The following GRIK4 variants were observed in gnomAD, a reference collection of about 807,000 sequenced individuals.
GRIK4 encodes the protein glutamate ionotropic receptor kainate type subunit 4, also known as glutamate receptor ionotropic, kainate 4.
A neutral mutation model predicts 104.9 loss-of-function variants in GRIK4; 40 were observed. The ratio of observed to expected loss-of-function variants is 0.38; its 90% confidence interval spans 0.30 to 0.50. The LOEUF (loss-of-function observed/expected upper bound fraction) is 0.50, where lower values mean the gene tolerates loss of function less well. Ranked by LOEUF, GRIK4 falls within the 20% of genes least tolerant of loss-of-function variation. The pLI is 0.93. For synonymous variants in GRIK4, 485 were observed against 524.9 expected (o/e 0.92, Z 1.04); for missense variants, 1,047 against 1,308.1 (o/e 0.80, Z 3.08).
At chr11:120,603,583 C>T (rs17124050) in intron 1 of GRIK4, among the ~76,000 whole-genome samples, 4,063 of 152,284 alleles carry the variant, frequency 0.027, 348 homozygotes, top group East Asian at 0.17. Flanking sequence ...GTCTCATTTA[C>T]GCCTCACGAC....
chr11:120,629,846 C>T (rs77630680), intron 1 of GRIK4, among the ~76,000 whole-genome samples: 10,351 of 152,254 alleles, frequency 0.068, 415 homozygotes, highest in South Asian at 0.14. Flanking sequence ...CCCACCCCCT[C>T]GGGAATCTGA....
rs532033967 is a variant in GRIK4 at position 120,967,122 on chromosome 11, G to A, written c.2267-73G>A. ...AGGCAGGGTGGCCAGGAGGTGTGCC[G>A]GGAAGGGGAGCAGAGTGACACCTAA... On this transcript the variant is annotated intron_variant, in intron 18 of 20. Coordinates refer to ENST00000527524, the MANE Select transcript of GRIK4 (RefSeq NM_014619.5). This position sits in a 1 kb window ranked among gnomAD's most constrained non-coding sequence, Gnocchi z 4.2. 2.0e-5 allele frequency: 31 copies of A among 1,513,376 alleles called. No individual in the cohort carries two copies. Among genetic ancestry groups the A allele is most frequent in the African/African-American group, 1.2e-4 (9 of 72,354 alleles). 93.7% of individuals were successfully genotyped at this position (1,513,376 alleles called of 1,614,324 possible). A position where few individuals can be genotyped will look rare whatever the true frequency, so the allele number is the denominator to read the frequency against.
intron 8 of GRIK4, among the ~76,000 whole-genome samples, chr11:120,860,394 A>G (rs1278200667): frequency 6.6e-6 from 1 of 152,082 alleles, no homozygotes; most frequent in Admixed American, 6.5e-5. Flanking sequence ...CCCTCTCTAT[A>G]ACACTAACTG....
chr11:120,679,780 A>G (rs1469694279), intron 3 of GRIK4, among the ~76,000 whole-genome samples: 1 of 152,152 alleles, frequency 6.6e-6, no homozygotes, highest in Non-Finnish European at 1.5e-5. Context: ...TGCAGGAGGA[A>G]GCTCAAACTC....
intron 3 of GRIK4, among the ~76,000 whole-genome samples, chr11:120,665,414 T>G (rs973839249): frequency 6.6e-6 from 1 of 152,210 alleles, no homozygotes; most frequent in Non-Finnish European, 1.5e-5. Flanking sequence ...ACTTTCTCCT[T>G]CATCTGTCAC....
rs1950555336 is a variant in GRIK4, at chr11:120,701,764, C to A, written c.82+41364C>A. Among the ~76,000 whole-genome samples the A allele has an allele frequency of 5.9e-5, 9 of 152,130 alleles. 1 individual carries two copies. In the South Asian group the frequency reaches 1.9e-3, roughly 32 times the overall value. The stretch of plus-strand genomic sequence containing the variant: ...CATTGAGAATAGGCTGAAGGGAGAT[C>A]CATTTAGGAGGCTCTTGCAGTAATC... On this transcript the variant is annotated intron_variant, in intron 3 of 20. Coordinates refer to ENST00000527524, the MANE Select transcript of GRIK4 (RefSeq NM_014619.5).
chr11:120,675,025 T>A (rs949151217), intron 3 of GRIK4, among the ~76,000 whole-genome samples: 1 of 152,250 alleles, frequency 6.6e-6, no homozygotes, highest in Non-Finnish European at 1.5e-5. Context: ...TATGGTTGAA[T>A]GCCAGTTTCC....
intron 1 of GRIK4, among the ~76,000 whole-genome samples, chr11:120,566,609 T>C (rs926944962): frequency 6.6e-6 from 1 of 152,078 alleles, no homozygotes; most frequent in Non-Finnish European, 1.5e-5. Context: ...TACAATAAAG[T>C]GGTTTCATTA....
At chr11:120,959,861 G>A (rs1944249964) in intron 16 of GRIK4, among the ~76,000 whole-genome samples, 1 of 152,188 alleles carries the variant, frequency 6.6e-6, no homozygotes, top group South Asian at 2.1e-4. Context: ...TTACAGAACT[G>A]GTTTTAAAAT....
chr11:120,784,942 A>G (rs149756285), intron 3 of GRIK4, among the ~76,000 whole-genome samples: 20 of 152,218 alleles, frequency 1.3e-4, no homozygotes, highest in Non-Finnish European at 2.1e-4. Context: ...ATGCAAGTCA[A>G]ATTGAATTAT....
chr11:120,703,126 T>C (rs907999073), intron 3 of GRIK4, among the ~76,000 whole-genome samples: 8 of 152,268 alleles, frequency 5.3e-5, no homozygotes, highest in Admixed American at 4.6e-4. Context: ...GTGGGCTACC[T>C]GTGGCTACTG....
At chr11:120,823,581 C>A (rs1282613967) in intron 6 of GRIK4, among the ~76,000 whole-genome samples, 1 of 152,212 alleles carries the variant, frequency 6.6e-6, no homozygotes, top group Admixed American at 6.5e-5. Context: ...CAAGCTGGCT[C>A]TTCCCTCTCC....
chr11:120,645,192 G>A (rs974067764), intron 1 of GRIK4, among the ~76,000 whole-genome samples: 1 of 152,126 alleles, frequency 6.6e-6, no homozygotes, highest in African/African-American at 2.4e-5. Context: ...TTCAAGAGCA[G>A]CGTGAAGATC....
intron 4 of GRIK4, among the ~76,000 whole-genome samples, chr11:120,804,728 G>T (rs1939671): frequency 2.0e-5 from 3 of 152,106 alleles, no homozygotes; most frequent in Non-Finnish European, 4.4e-5. Context: ...GCACATCAGG[G>T]GCAGCTTCCC....
intron 13 of GRIK4, among the ~76,000 whole-genome samples, chr11:120,909,635 A>G (rs1386281586): frequency 2.0e-5 from 3 of 152,198 alleles, no homozygotes; most frequent in Non-Finnish European, 4.4e-5. Flanking sequence ...AGCAAGGTAC[A>G]TGTAATTGAA....
rs1265480351 is a variant in GRIK4 at position 120,945,070 on chromosome 11, C to CA, written c.1590+4618dup. On this transcript the variant is annotated intron_variant, in intron 14 of 20. Transcript: ENST00000527524. Reference sequence around the variant, plus strand: ...TCATTCACCAGCTGCCCATCACTCACAAAAAAAAGTTCAACTTTCCTGCAT... The same window carrying CA: ...TCATTCACCAGCTGCCCATCACTCACAAAAAAAAAGTTCAACTTTCCTGCAT... 3.9e-5 allele frequency among the ~76,000 whole-genome samples: 6 copies of CA among 151,964 alleles called. No homozygotes were observed. In the East Asian group the frequency reaches 5.8e-4, roughly 15 times the overall value.
chr11:120,697,857 T>C (rs12270409), intron 3 of GRIK4, among the ~76,000 whole-genome samples: 30,427 of 152,104 alleles, frequency 0.2, 3,794 homozygotes, highest in African/African-American at 0.35. Flanking sequence ...GAAGGGAAGC[T>C]AGAGTGGCCT....
At chr11:120,611,104 C>A (rs1325276502) in intron 1 of GRIK4, among the ~76,000 whole-genome samples, 1 of 152,150 alleles carries the variant, frequency 6.6e-6, no homozygotes, top group Admixed American at 6.5e-5. Flanking sequence ...CTTCGTTCAG[C>A]CCCTGGGACT....
intron 3 of GRIK4, among the ~76,000 whole-genome samples, chr11:120,778,055 C>T (rs1481098934): frequency 2.0e-5 from 3 of 152,094 alleles, no homozygotes; most frequent in South Asian, 2.1e-4. Context: ...TGACAAGGAC[C>T]GGAGACCAGT....
Sources: allele counts gnomAD v4.1 joint callset (sites outside exome capture counted in the v4.1 genomes callset), GRCh38; gene constraint gnomAD v4.1.1; non-coding constraint Gnocchi (gnomAD v3.1); transcripts MANE v1.5; gene names NCBI Gene and HGNC (gene_info 2026-07-23, HGNC 2026-07-21).